Variants in NSD1 observed in about 807,000 individuals in gnomAD.
NSD1 encodes the protein histone-lysine N-methyltransferase, H3 lysine-36 specific.
NSD1 carries 26 observed loss-of-function variants against 242.7 expected under a neutral mutation model. That is an observed-to-expected ratio of 0.11 (90% CI 0.08 to 0.15). The LOEUF (loss-of-function observed/expected upper bound fraction) is 0.15. Ranked by LOEUF, NSD1 falls within the 10% of genes least tolerant of loss-of-function variation. NSD1 has a pLI of 1.00. For missense variants in NSD1, 2,495 were observed against 3,272.8 expected, an observed-to-expected ratio of 0.76 and a Z score of 5.80; for synonymous variants, 1,106 against 1,178.1, an observed-to-expected ratio of 0.94 and a Z score of 1.25.
At chr5:177,282,213 A>G (rs1374318063) in intron 18 of NSD1, among the ~76,000 whole-genome samples, 1 of 152,284 alleles carries the variant, frequency 6.6e-6, no homozygotes, top group South Asian at 2.1e-4. Context: ...TTACTTACTA[A>G]TCTTCCATTC....
At chr5:177,158,210 G>T (rs977233990) in intron 2 of NSD1, among the ~76,000 whole-genome samples, 6 of 151,650 alleles carry the variant, frequency 4.0e-5, no homozygotes, top group Admixed American at 3.9e-4. Context: ...CCGTTTTACA[G>T]TCCTACTTTA....
chr5:177,294,638 G>T lies in NSD1; in HGVS notation c.7270G>T (p.Val2424Leu). The T allele has an allele frequency of 6.2e-7, 1 of 1,614,204 alleles. No individual in the cohort carries two copies. Among genetic ancestry groups the T allele is most frequent in the Non-Finnish European group, 8.5e-7 (1 of 1,180,048 alleles). The change falls in exon 23 of 23, where the codon GTA (valine) becomes TTA (leucine). Residue 2424 changes from valine to leucine, a missense_variant. Physicochemically the swap from Val to Leu is conservative, Grantham distance 32 (BLOSUM62 1). Coordinates refer to ENST00000439151, the MANE Select transcript of NSD1 (RefSeq NM_022455.5). Reference sequence around the variant, plus strand: ...CCAGAGACTCCCACCTCCTGAGAAAGTACTATCAGCTGTGGTCCAGACCCT... The same window carrying T: ...CCAGAGACTCCCACCTCCTGAGAAATTACTATCAGCTGTGGTCCAGACCCT... ...LSQRLPPPEKVLSAVVQTLVA... is the reference protein window; with the variant it reads ...LSQRLPPPEKLLSAVVQTLVA...
rs918855554 is a variant in NSD1 at position 177,211,956 on chromosome 5, C to T, written c.3557C>T (p.Ala1186Val). 87 of 1,608,978 alleles carry T rather than the reference C, an allele frequency of 5.4e-5. No individual in the cohort carries two copies. Among genetic ancestry groups the T allele is most frequent in the Non-Finnish European group, 7.3e-5 (86 of 1,177,062 alleles). Residue 1186 changes from alanine (A) to valine (V), a missense_variant, in exon 5 of 23, where the codon GCC (alanine) becomes GTC (valine). Physicochemically the swap from Ala to Val is moderately conservative, Grantham distance 64 (BLOSUM62 0). Around this residue, in one of 19 missense-constraint regions of NSD1, gnomAD observed 426 missense variants for 411.4 expected, o/e 1.04. Coordinates refer to ENST00000439151, the MANE Select transcript of NSD1 (RefSeq NM_022455.5). ...AAAGAGAAAGAAAACTCTGAGTGTG[C>T]CTTTAGGGTCTTACTTCCTAGTGAC... is the stretch of plus-strand genomic sequence containing the variant. The part of the protein sequence containing the change: ...RFKEKENSEC[A>V]FRVLLPSDPV...
rs1766315165 is a variant in NSD1 at position 177,246,616 on chromosome 5, G to A, written c.4379-62G>A. On this transcript the variant is annotated intron_variant, in intron 9 of 22. Transcript: ENST00000439151. ...AGGTTGGTTTTTATTCTAATAATAG[G>A]ATAAGAGATTTTGGACATGTGTGTT... 1.4e-5 allele frequency: 15 copies of A among 1,093,062 alleles called. No homozygotes were observed. In the South Asian group the frequency reaches 1.6e-4, roughly 12 times the overall value. The allele number at this position is 1,093,062 out of a possible 1,614,324, so 67.7% of individuals were successfully genotyped here.
intron 12 of NSD1, among the ~76,000 whole-genome samples, chr5:177,254,391 C>T (rs942739279): frequency 6.6e-6 from 1 of 151,780 alleles, no homozygotes; most frequent in Non-Finnish European, 1.5e-5. Flanking sequence ...CACAAAGTTT[C>T]GTTGTTGTTT....
intron 14 of NSD1, among the ~76,000 whole-genome samples, chr5:177,264,221 G>C (rs1757236287): frequency 6.6e-6 from 1 of 151,638 alleles, no homozygotes; most frequent in Admixed American, 6.6e-5. Flanking sequence ...ATTTTTAGTA[G>C]AGATGAGGCA....
intron 4 of NSD1, among the ~76,000 whole-genome samples, chr5:177,208,180 G>GTTTT (rs1763049525): frequency 6.6e-6 from 1 of 152,172 alleles, no homozygotes; most frequent in African/African-American, 2.4e-5. Flanking sequence ...AGGTAAGGAA[G>GTTTT]AAAATAAGAG....
chr5:177,132,435 G>A (rs991739526), upstream of NSD1, among the ~76,000 whole-genome samples: 3 of 151,802 alleles, frequency 2.0e-5, no homozygotes, highest in African/African-American at 7.2e-5. This position sits in a 1 kb window ranked among gnomAD's most constrained non-coding sequence, Gnocchi z 7.5. Context: ...CCCCGTGCCA[G>A]GCCCAGACCT....
intron 3 of NSD1, among the ~76,000 whole-genome samples, chr5:177,196,414 G>A (rs756433909): frequency 1.1e-4 from 16 of 152,158 alleles, no homozygotes; most frequent in Non-Finnish European, 2.1e-4. Flanking sequence ...AGTGATTATG[G>A]TGTGATGAAA....
intron 2 of NSD1, among the ~76,000 whole-genome samples, chr5:177,185,734 T>C (rs1385375314): frequency 3.7e-5 from 4 of 109,392 alleles, no homozygotes; most frequent in Admixed American, 1.4e-4. Flanking sequence ...ATATTATATA[T>C]ATTTTATATA....
chr5:177,244,414 A>T, intron 9 of NSD1, 144 bp downstream of exon 9: 1 of 667,480 alleles, frequency 1.5e-6, no homozygotes, highest in Non-Finnish European at 2.7e-6. Flanking sequence ...CTGCTTCCTG[A>T]AAAAGAAAAA....
At chr5:177,163,777 C>T (rs1268741575) in intron 2 of NSD1, among the ~76,000 whole-genome samples, 1 of 152,152 alleles carries the variant, frequency 6.6e-6, no homozygotes, top group Non-Finnish European at 1.5e-5. Flanking sequence ...GCCATTATTT[C>T]AGGGTTACAC....
At chr5:177,272,584 C>A (rs1208676665) in intron 16 of NSD1, among the ~76,000 whole-genome samples, 1 of 152,130 alleles carries the variant, frequency 6.6e-6, no homozygotes. Context: ...ATACTGCAAT[C>A]TTTTAAACAT....
Position 177,136,931 on chromosome 5 carries a change from T to A in NSD1, c.927+901T>A, listed in dbSNP as rs1336034279. On this transcript the variant is annotated intron_variant, in intron 2 of 22. Transcript: ENST00000439151. ...CGGGACTCCTGGGCTCATTCGATCCTCCTGCATCAGCTAGAACTACAGTAG... is the reference window on the plus strand; with the variant it reads ...CGGGACTCCTGGGCTCATTCGATCCACCTGCATCAGCTAGAACTACAGTAG... 7 of 701,162 alleles carry A rather than the reference T, an allele frequency of 1.0e-5. No homozygotes were observed. In the East Asian group the frequency reaches 1.9e-4, roughly 19 times the overall value. The allele number at this position is 701,162 out of a possible 1,614,324, so 43.4% of individuals were successfully genotyped here.
Position 177,181,418 on chromosome 5 carries a change from TTTTTTTTGG to T in NSD1, c.928-10458_928-10450del, listed in dbSNP as rs1446260110. Reference sequence around the variant, plus strand: ...CCATGTGGGAAACTTCATTATGGGTTTTTTTTTGGTTTTTTTTTTTTTTTTTTGGCAGGT... The same window carrying T: ...CCATGTGGGAAACTTCATTATGGGTTTTTTTTTTTTTTTTTTTTGGCAGGT... On this transcript the variant is annotated intron_variant, in intron 2 of 22. Coordinates refer to ENST00000439151, the MANE Select transcript of NSD1 (RefSeq NM_022455.5). Among the ~76,000 whole-genome samples the T allele has an allele frequency of 6.8e-5, 9 of 132,298 alleles. No individual in the cohort carries two copies. The East Asian group carries it at 1.6e-3, about 23-fold the overall frequency. The allele number at this position is 132,298 out of a possible 152,430, so 86.8% of individuals were successfully genotyped here.
chr5:177,189,289 G>A (rs937410201), intron 2 of NSD1, among the ~76,000 whole-genome samples: 4 of 152,176 alleles, frequency 2.6e-5, no homozygotes, highest in African/African-American at 4.8e-5. Flanking sequence ...GGAGTCAGAA[G>A]AGAGGATTTA....
At chr5:177,206,652 GTGT>G (rs1223279204) in intron 4 of NSD1, among the ~76,000 whole-genome samples, 3 of 152,258 alleles carry the variant, frequency 2.0e-5, no homozygotes, top group East Asian at 3.9e-4. Flanking sequence ...CAATTAGTAT[GTGT>G]TGTTAGGATG....
chr5:177,152,291 C>G (rs1225947714), intron 2 of NSD1, among the ~76,000 whole-genome samples: 1 of 151,648 alleles, frequency 6.6e-6, no homozygotes, highest in Non-Finnish European at 1.5e-5. Context: ...CAGGTGTGAG[C>G]CACTGTGCCG....
chr5:177,215,932 C>T (rs769029759), intron 5 of NSD1, among the ~76,000 whole-genome samples: 1 of 152,000 alleles, frequency 6.6e-6, no homozygotes, highest in Non-Finnish European at 1.5e-5. Flanking sequence ...GCAGTTATAG[C>T]TCACTGCAGC....
Sources: allele counts gnomAD v4.1 joint callset (sites outside exome capture counted in the v4.1 genomes callset), GRCh38; gene constraint gnomAD v4.1.1; regional missense constraint gnomAD v4.1.1; non-coding constraint Gnocchi (gnomAD v3.1); transcripts MANE v1.5; gene names NCBI Gene and HGNC (gene_info 2026-07-23, HGNC 2026-07-21).